EPB41L4B: variants seen among roughly 807,000 people sequenced by gnomAD.
The protein encoded by EPB41L4B is erythrocyte membrane protein band 4.1 like 4B, also known as band 4.1-like protein 4B.
A neutral mutation model predicts 112.5 loss-of-function variants in EPB41L4B; 30 were observed. The observed-to-expected ratio is 0.27, with a 90% CI of 0.20 to 0.36. The LOEUF (loss-of-function observed/expected upper bound fraction) is 0.36. Among genes scored for constraint, EPB41L4B ranks in the 10% least tolerant of loss-of-function variants. The pLI is 1.00. For missense variants in EPB41L4B, 1,024 were observed against 1,133.3 expected (o/e 0.90, Z 1.38); for synonymous variants, 408 against 439.7 (o/e 0.93, Z 0.90).
chr9:109,201,530 T>C (rs978644863), intron 19 of EPB41L4B, among the ~76,000 whole-genome samples: 1 of 151,972 alleles, frequency 6.6e-6, no homozygotes, highest in African/African-American at 2.4e-5. Flanking sequence ...CAATGCATTC[T>C]ATACTCATGG....
chr9:109,239,102 G>C (rs1054967425), intron 15 of EPB41L4B, among the ~76,000 whole-genome samples: 2 of 152,180 alleles, frequency 1.3e-5, no homozygotes, highest in African/African-American at 4.8e-5. Flanking sequence ...GGAGCAACTG[G>C]AGTCAGGGAG....
chr9:109,237,096 C>T (rs1050709539), intron 15 of EPB41L4B, among the ~76,000 whole-genome samples: 1 of 152,180 alleles, frequency 6.6e-6, no homozygotes, highest in Admixed American at 6.5e-5. Flanking sequence ...TACTTGTGTT[C>T]AGAGCGGGAC....
intron 1 of EPB41L4B, among the ~76,000 whole-genome samples, chr9:109,316,664 C>T (rs763349661): frequency 9.9e-5 from 15 of 152,168 alleles, no homozygotes; most frequent in South Asian, 2.1e-4. Context: ...GTTGGTAGGG[C>T]GAGCAAGGGC....
chr9:109,276,154 T>TACACAC (rs66791042), intron 2 of EPB41L4B, among the ~76,000 whole-genome samples: 71 of 141,758 alleles, frequency 5.0e-4, no homozygotes, highest in Non-Finnish European at 9.3e-4. Flanking sequence ...CGTGTGTGTA[T>TACACAC]ACACACACAC....
At chr9:109,260,431 T>C (rs933075548) in intron 6 of EPB41L4B, among the ~76,000 whole-genome samples, 26 of 149,134 alleles carry the variant, frequency 1.7e-4, no homozygotes, top group African/African-American at 6.4e-4. Flanking sequence ...TTTTTTTTTT[T>C]TGAGACAGAG....
At chr9:109,189,725 G>A (rs192853492) in intron 22 of EPB41L4B, among the ~76,000 whole-genome samples, 30 of 149,674 alleles carry the variant, frequency 2.0e-4, no homozygotes, top group African/African-American at 7.4e-4. Context: ...GCCTCTGGGG[G>A]TCAAGCGATT....
chr9:109,267,592 C>T, intron 3 of EPB41L4B, 41 bp from the exon 4 acceptor site: 1 of 1,371,158 alleles, frequency 7.3e-7, no homozygotes, highest in Non-Finnish European at 1.0e-6. Context: ...GTTTTTCCCC[C>T]AGTTTTGAAG....
intron 15 of EPB41L4B, among the ~76,000 whole-genome samples, chr9:109,235,390 CTTTTTT>C (rs758330838): frequency 3.4e-5 from 3 of 87,248 alleles, no homozygotes; most frequent in Admixed American, 1.3e-4. Context: ...TTCAGCTAGA[CTTTTTT>C]TTTTTTTTTT....
intron 1 of EPB41L4B, among the ~76,000 whole-genome samples, chr9:109,318,030 T>C (rs1034603906): frequency 3.3e-5 from 5 of 152,202 alleles, no homozygotes; most frequent in African/African-American, 1.2e-4. Flanking sequence ...TAATATCTAA[T>C]AAATCTTTAA....
Position 109,173,243 on chromosome 9 carries a change from G to A in EPB41L4B, c.*1311C>T, listed in dbSNP as rs536292884. 5.9e-5 allele frequency: 9 copies of A among 152,708 alleles called. No homozygotes were observed. Among genetic ancestry groups the A allele is most frequent in the African/African-American group, 1.7e-4 (7 of 41,538 alleles). The allele number at this position is 152,708 out of a possible 1,614,324, so 9.5% of individuals were successfully genotyped here. On this transcript the variant is annotated 3_prime_UTR_variant, in exon 26 of 26. Coordinates refer to ENST00000374566, the MANE Select transcript of EPB41L4B (RefSeq NM_019114.5). ...GGGGATTCAAGCATTCAGAGGGGGTGGGGAGGCTAAACTAGATGACCTTTA... is the reference window on the plus strand; with the variant it reads ...GGGGATTCAAGCATTCAGAGGGGGTAGGGAGGCTAAACTAGATGACCTTTA...
chr9:109,199,532 A>G (rs1398544884), intron 20 of EPB41L4B, among the ~76,000 whole-genome samples: 1 of 152,016 alleles, frequency 6.6e-6, no homozygotes. Context: ...AGCCAGGCTT[A>G]TTGGCTTATA....
Position 109,247,683 on chromosome 9 carries a change from C to T in EPB41L4B, c.1344+73G>A. On this transcript the variant is annotated intron_variant, in intron 14 of 25. Coordinates refer to ENST00000374566, the MANE Select transcript of EPB41L4B (RefSeq NM_019114.5). ...CATTATGGAAAATTTAGAAACTTTA[C>T]AAAAACCTTTTTTTAAATTTTATTT... The T allele has an allele frequency of 2.7e-6, 3 of 1,126,554 alleles. No individual in the cohort carries two copies. The South Asian group carries it at 7.2e-5, about 27-fold the overall frequency. The allele number at this position is 1,126,554 out of a possible 1,614,324, so 69.8% of individuals were successfully genotyped here.
In EPB41L4B at chr9:109,213,836, G is replaced by A; in HGVS notation, c.1634-18C>T. ...ACTCAGTTCTACAAAGCAGCCAGGA[G>A]AAATAAATAAGGAAAGGTTGAAAGG... On this transcript the variant is annotated intron_variant, in intron 16 of 25. Coordinates refer to ENST00000374566, the MANE Select transcript of EPB41L4B (RefSeq NM_019114.5). The A allele has an allele frequency of 6.2e-7, 1 of 1,606,216 alleles. No homozygotes were observed. The highest frequency in any genetic ancestry group is 8.5e-7 in the Non-Finnish European group (1 of 1,172,752).
chr9:109,213,702 T>C lies in EPB41L4B; in HGVS notation c.1750A>G (p.Lys584Glu). The part of the protein sequence containing the change: ...PWPPLHININ[K>E]AEEKKVSEKT... Reference sequence around the variant, plus strand: ...GGCAGAGCCCCGGCCCTTGGCACCTTGTTTATGTTGATGTGCAGAGGAGGC... The same window carrying C: ...GGCAGAGCCCCGGCCCTTGGCACCTCGTTTATGTTGATGTGCAGAGGAGGC... The change falls in exon 17 of 26, where the codon AAG becomes GAG. Residue 584 changes from lysine to glutamate, a missense_variant and splice_region_variant. Coordinates refer to ENST00000374566, the MANE Select transcript of EPB41L4B (RefSeq NM_019114.5). 6.2e-7 allele frequency: 1 copy of C among 1,613,236 alleles called. No homozygotes were observed. The highest frequency in any genetic ancestry group is 8.5e-7 in the Non-Finnish European group (1 of 1,179,434).
intron 20 of EPB41L4B, among the ~76,000 whole-genome samples, chr9:109,196,476 T>C (rs950196901): frequency 6.6e-5 from 10 of 152,160 alleles, no homozygotes; most frequent in African/African-American, 2.4e-4. Flanking sequence ...CCCGGCACTC[T>C]GGGGGGCCAA....
intron 15 of EPB41L4B, chr9:109,241,718 T>C (rs1834358595): frequency 6.2e-7 from 1 of 1,614,182 alleles, no homozygotes; most frequent in Non-Finnish European, 8.5e-7. Context: ...CCTCCTAAGT[T>C]CTTCTGGTTC....
At chr9:109,197,985 G>A (rs1832702871) in intron 20 of EPB41L4B, among the ~76,000 whole-genome samples, 1 of 152,086 alleles carries the variant, frequency 6.6e-6, no homozygotes, top group Admixed American at 6.5e-5. Flanking sequence ...GGCAAGTTCT[G>A]CCAGTCTTAT....
chr9:109,223,618 G>A (rs550631686), intron 15 of EPB41L4B, among the ~76,000 whole-genome samples: 1 of 152,188 alleles, frequency 6.6e-6, no homozygotes, highest in East Asian at 1.9e-4. Flanking sequence ...GCTTTTCAGG[G>A]GAGCCCTGGG....
chr9:109,255,743 G>C, intron 10 of EPB41L4B, 31 bp downstream of exon 10: 1 of 1,612,286 alleles, frequency 6.2e-7, no homozygotes, highest in Non-Finnish European at 8.5e-7. Flanking sequence ...GATTTTCACA[G>C]CAAGGGGGAA....
Sources: gnomAD v4.1 joint callset for allele counts (sites outside exome capture counted in the v4.1 genomes callset) on GRCh38, gnomAD v4.1.1 for gene constraint, MANE v1.5 for transcripts, NCBI Gene and HGNC (gene_info 2026-07-23, HGNC 2026-07-21) for gene names.